ICA1: variants seen among roughly 807,000 people sequenced by gnomAD.
The protein encoded by ICA1 is islet cell autoantigen 1.
Under a neutral mutation model 71.0 loss-of-function variants are expected in ICA1, and 40 were observed. The observed-to-expected ratio is 0.56, with a 90% CI of 0.44 to 0.73. The LOEUF is 0.73. Among genes scored for constraint, ICA1 ranks in the 30% least tolerant of loss-of-function variants. ICA1 has a pLI of 0.00. For missense variants in ICA1, 578 were observed against 576.5 expected, an observed-to-expected ratio of 1.00 and a Z score of -0.03; for synonymous variants, 207 against 209.5, an observed-to-expected ratio of 0.99 and a Z score of 0.10.
chr7:8,121,121 C>T (rs1194296194), intron 13 of ICA1, among the ~76,000 whole-genome samples: 3 of 152,200 alleles, frequency 2.0e-5, no homozygotes, highest in Non-Finnish European at 2.9e-5. Context: ...GACTAGAGAG[C>T]AGGCCCTCAG....
intron 3 of ICA1, among the ~76,000 whole-genome samples, chr7:8,231,824 C>A (rs532460355): frequency 6.6e-6 from 1 of 152,340 alleles, no homozygotes; most frequent in African/African-American, 2.4e-5. Context: ...TGTAGAATAA[C>A]TATGGTTTCC....
rs1797578046 is a variant in ICA1, at chr7:8,222,988, T to G, written c.257-1590A>C. ...CTAATTAAATGCTTGTGAATTGAATTGACTACAATTTTGCCTTGTTATCCT... is the reference window on the plus strand; with the variant it reads ...CTAATTAAATGCTTGTGAATTGAATGGACTACAATTTTGCCTTGTTATCCT... On this transcript the variant is annotated intron_variant, in intron 4 of 13. Transcript: ENST00000402384. This position sits in a 1 kb window ranked among gnomAD's most constrained non-coding sequence, Gnocchi z 4.8. 6.6e-6 allele frequency among the ~76,000 whole-genome samples: 1 copy of G among 152,238 alleles called. No individual in the cohort carries two copies. The highest frequency in any genetic ancestry group is 2.1e-4 in the South Asian group (1 of 4,832).
intron 1 of ICA1, among the ~76,000 whole-genome samples, chr7:8,237,260 A>G (rs1216626366): frequency 6.6e-6 from 1 of 152,162 alleles, no homozygotes; most frequent in Non-Finnish European, 1.5e-5. Flanking sequence ...AGAGGCTACC[A>G]ACACCCAGTC....
At chr7:8,117,617 T>C (rs1785201187) in intron 13 of ICA1, among the ~76,000 whole-genome samples, 1 of 152,238 alleles carries the variant, frequency 6.6e-6, no homozygotes, top group Non-Finnish European at 1.5e-5. Context: ...TGATTCTCAC[T>C]ATAAAATGTA....
At chr7:8,197,477 C>T (rs1335604653) in intron 6 of ICA1, among the ~76,000 whole-genome samples, 5 of 148,026 alleles carry the variant, frequency 3.4e-5, no homozygotes, top group South Asian at 2.1e-4. Flanking sequence ...CACTTGAACC[C>T]GGGAGGTGGA....
rs1241338870 is a variant in ICA1, at chr7:8,261,874, T to A, written c.-80+220A>T. The A allele has an allele frequency of 4.6e-5, 7 of 152,222 alleles. No homozygotes were observed. The East Asian group carries it at 1.4e-3, about 30-fold the overall frequency. The allele number at this position is 152,222 out of a possible 1,614,324, so 9.4% of individuals were successfully genotyped here. On this transcript the variant is annotated intron_variant, in intron 1 of 13. Transcript: ENST00000402384. ...TCACGGCGCGCGCATCCTCCAGACC[T>A]TCCCAGGCCGGAGGGAGGAGGGGAG...
intron 6 of ICA1, among the ~76,000 whole-genome samples, chr7:8,186,868 T>A (rs1585022768): frequency 2.0e-5 from 3 of 152,352 alleles, no homozygotes; most frequent in East Asian, 1.9e-4. Context: ...GTTGTCTCCA[T>A]TTCTCAAAAG....
chr7:8,185,363 T>C (rs181937089), intron 6 of ICA1, among the ~76,000 whole-genome samples: 97 of 152,286 alleles, frequency 6.4e-4, no homozygotes, highest in Middle Eastern at 3.4e-3. Context: ...CATCCATGCA[T>C]CTGGCCATCC....
chr7:8,190,348 T>G (rs772701391), intron 6 of ICA1, among the ~76,000 whole-genome samples: 9 of 152,190 alleles, frequency 5.9e-5, no homozygotes, highest in African/African-American at 9.6e-5. Flanking sequence ...AGAGATGATC[T>G]CTTTCCTTCC....
chr7:8,261,806 G>A (rs934213335), intron 1 of ICA1, among the ~76,000 whole-genome samples: 1 of 152,154 alleles, frequency 6.6e-6, no homozygotes, highest in Non-Finnish European at 1.5e-5. Flanking sequence ...GGGCCGGAGC[G>A]CGGAACGCTT....
chr7:8,252,111 T>C (rs1808402609), intron 1 of ICA1, among the ~76,000 whole-genome samples: 1 of 152,198 alleles, frequency 6.6e-6, no homozygotes. Flanking sequence ...TTTTAAAAGT[T>C]TGCAGTATAA....
chr7:8,208,721 G>A (rs1036148004), intron 6 of ICA1, among the ~76,000 whole-genome samples: 31 of 152,276 alleles, frequency 2.0e-4, no homozygotes, highest in African/African-American at 7.2e-4. Context: ...CCATTGACCC[G>A]TAATTTAAGA....
chr7:8,185,958 C>T (rs551618251), intron 6 of ICA1, among the ~76,000 whole-genome samples: 2 of 152,274 alleles, frequency 1.3e-5, no homozygotes, highest in East Asian at 3.9e-4. Context: ...CAGTTTCTTT[C>T]TTCAAGGGTC....
rs550278434 is a variant in ICA1 at position 8,222,210 on chromosome 7, A to G, written c.257-812T>C. On this transcript the variant is annotated intron_variant, in intron 4 of 13. Transcript: ENST00000402384. This position sits in a 1 kb window ranked among gnomAD's most constrained non-coding sequence, Gnocchi z 4.8. ...AACAATCATAGCATCATTATTTATAATAGTGAAACACTCTCCTTATACTAG... is the reference window on the plus strand; with the variant it reads ...AACAATCATAGCATCATTATTTATAGTAGTGAAACACTCTCCTTATACTAG... Among the ~76,000 whole-genome samples, 1 of 152,288 alleles carries G rather than the reference A, an allele frequency of 6.6e-6. No individual in the cohort carries two copies. Among genetic ancestry groups the G allele is most frequent in the East Asian group, 1.9e-4 (1 of 5,178 alleles).
At chr7:8,246,102 T>C in intron 1 of ICA1, among the ~76,000 whole-genome samples, 1 of 152,240 alleles carries the variant, frequency 6.6e-6, no homozygotes, top group Middle Eastern at 3.2e-3. Flanking sequence ...TCCAGCTTTT[T>C]AATGACACAG....
intron 6 of ICA1, among the ~76,000 whole-genome samples, chr7:8,196,880 T>C (rs1459438996): frequency 6.6e-6 from 1 of 152,076 alleles, no homozygotes; most frequent in Non-Finnish European, 1.5e-5. Context: ...CGAGATCTGA[T>C]GGTTTTATAA....
chr7:8,185,980 G>A (rs1783785062), intron 6 of ICA1, among the ~76,000 whole-genome samples: 1 of 152,222 alleles, frequency 6.6e-6, no homozygotes, highest in Non-Finnish European at 1.5e-5. Flanking sequence ...TATTCTGAAA[G>A]AGGAGCTATA....
At chr7:8,249,457 C>T (rs1583825950) in intron 1 of ICA1, among the ~76,000 whole-genome samples, 1 of 152,188 alleles carries the variant, frequency 6.6e-6, no homozygotes, top group South Asian at 2.1e-4. Flanking sequence ...GTGCCACCTT[C>T]AGCATTTAGA....
At chr7:8,212,631 C>T (rs6463782) in intron 6 of ICA1, among the ~76,000 whole-genome samples, 150,259 of 152,290 alleles carry the variant, frequency 0.99, 74,134 homozygotes, top group East Asian at 1. Flanking sequence ...CAATCACCTT[C>T]AGTGGATGAG....
Sources: allele counts gnomAD v4.1 joint callset (sites outside exome capture counted in the v4.1 genomes callset), GRCh38; gene constraint gnomAD v4.1.1; non-coding constraint Gnocchi (gnomAD v3.1); transcripts MANE v1.5; gene names NCBI Gene and HGNC (gene_info 2026-07-23, HGNC 2026-07-21).